Variants in YIPF7 observed in about 807,000 individuals in gnomAD.
YIPF7 encodes protein YIPF7.
A neutral mutation model predicts 27.2 loss-of-function variants in YIPF7; 35 were observed. The ratio of observed to expected loss-of-function variants is 1.29; its 90% CI spans 0.98 to 1.70. YIPF7 has a LOEUF of 1.70. YIPF7 is among the 40% of genes most tolerant of loss of function. The pLI is 0.00. For missense variants in YIPF7, 358 were observed against 303.7 expected (o/e 1.18, Z -1.33); for synonymous variants, 137 against 110.4 (o/e 1.24, Z -1.51).
At chr4:44,633,425 A>T (rs1296378678) in intron 3 of YIPF7, among the ~76,000 whole-genome samples, 1 of 151,732 alleles carries the variant, frequency 6.6e-6, no homozygotes, top group Non-Finnish European at 1.5e-5. Context: ...GCAGGAAAAA[A>T]ATTAGTTAAG....
chr4:44,627,506 T>C (rs1282519625), intron 4 of YIPF7, among the ~76,000 whole-genome samples: 1 of 152,204 alleles, frequency 6.6e-6, no homozygotes, highest in Non-Finnish European at 1.5e-5. Flanking sequence ...ATTTTAATTC[T>C]ACATATCCAG....
At chr4:44,635,845 G>T in intron 3 of YIPF7, 77 bp downstream of exon 3, 1 of 1,486,992 alleles carries the variant, frequency 6.7e-7, no homozygotes, top group South Asian at 1.3e-5. Context: ...ACTGCAGGCT[G>T]ACAGCACACA....
chr4:44,625,040 T>A (rs1047003834), intron 4 of YIPF7, among the ~76,000 whole-genome samples: 3 of 152,182 alleles, frequency 2.0e-5, no homozygotes, highest in African/African-American at 7.2e-5. Context: ...TAGACTTATA[T>A]TTTTTACTCT....
intron 2 of YIPF7, among the ~76,000 whole-genome samples, chr4:44,643,720 A>C (rs1221816372): frequency 6.6e-6 from 1 of 152,058 alleles, no homozygotes; most frequent in Non-Finnish European, 1.5e-5. Context: ...TGGCCACTCC[A>C]GCTCCAGCCT....
chr4:44,653,748 T>C (rs758511543), upstream of YIPF7, among the ~76,000 whole-genome samples: 2 of 152,160 alleles, frequency 1.3e-5, no homozygotes, highest in Non-Finnish European at 2.9e-5. Flanking sequence ...TGTTATATAG[T>C]GGCCAAATTT....
intron 3 of YIPF7, among the ~76,000 whole-genome samples, chr4:44,629,778 A>G (rs1712818931): frequency 6.6e-6 from 1 of 152,224 alleles, no homozygotes; most frequent in Admixed American, 6.5e-5. Context: ...CTTCCAAAGA[A>G]TGACTTAAAA....
At chr4:44,638,074 A>C (rs1051455542) in intron 2 of YIPF7, among the ~76,000 whole-genome samples, 4 of 152,208 alleles carry the variant, frequency 2.6e-5, no homozygotes, top group Non-Finnish European at 4.4e-5. Context: ...ATAAATGGCC[A>C]AGAAACGTGA....
chr4:44,635,743 A>C (rs535806432), intron 3 of YIPF7, among the ~76,000 whole-genome samples, 179 bp downstream of exon 3: 2 of 152,306 alleles, frequency 1.3e-5, no homozygotes, highest in East Asian at 3.9e-4. Context: ...AATTTCCCCT[A>C]TGCAAACATG....
chr4:44,632,882 T>G (rs1577735262), intron 3 of YIPF7, among the ~76,000 whole-genome samples: 1 of 152,134 alleles, frequency 6.6e-6, no homozygotes, highest in Non-Finnish European at 1.5e-5. Context: ...CTAATACAGG[T>G]GTCCCCAATC....
At chr4:44,658,276 A>G (rs750374380) in intron 2 of YIPF7, among the ~76,000 whole-genome samples, 5 of 152,094 alleles carry the variant, frequency 3.3e-5, no homozygotes, top group African/African-American at 1.2e-4. Flanking sequence ...TTTCCTTCCA[A>G]TATGTGAGGA....
Position 44,629,423 on chromosome 4 carries a change from G to A in YIPF7, c.406C>T (p.Leu136=), listed in dbSNP as rs762684011. The change falls in exon 4 of 6, where the codon CTG becomes TTG. Residue 136 remains leucine (L), a synonymous_variant. Transcript: ENST00000415895. ...LTGPILFCVA[L]GATLLLAGKV... is the part of the protein sequence containing the mutation. ...ATTACCAGAAGCAAGGTGGCTCCCA[G>A]GGCTACGCAAAAAAGAATGGGTCCA... 1.3e-6 allele frequency: 2 copies of A among 1,596,150 alleles called. No individual in the cohort carries two copies. The highest frequency in any genetic ancestry group is 1.3e-5 in the African/African-American group (1 of 74,322).
At chr4:44,651,679 AC>A (rs1713744582), upstream of YIPF7, 2 of 1,363,202 alleles carry the variant, frequency 1.5e-6, no homozygotes, top group Admixed American at 2.5e-5. Flanking sequence ...TTGTATTCTG[AC>A]ACCCTGAGCA....
At chr4:44,647,409 T>C (rs1408604112) in intron 2 of YIPF7, among the ~76,000 whole-genome samples, 2 of 152,250 alleles carry the variant, frequency 1.3e-5, no homozygotes, top group South Asian at 2.1e-4. Context: ...CAATCTTATC[T>C]GGAAAAGAGG....
chr4:44,662,019 C>A (rs1301412904), intron 1 of YIPF7, among the ~76,000 whole-genome samples: 1 of 152,208 alleles, frequency 6.6e-6, no homozygotes, highest in Non-Finnish European at 1.5e-5. Flanking sequence ...TATCTTCCTT[C>A]TGATGAACAT....
Position 44,622,181 on chromosome 4 carries a change from C to T in YIPF7, c.*233G>A. ...GGGTTGATCAGTACAGCAACTGTAT[C>T]CCTTTTGATTTTAAGTATTTTGAAA... On this transcript the variant is annotated 3_prime_UTR_variant, in exon 6 of 6. Transcript: ENST00000415895. The T allele has an allele frequency of 1.9e-6, 1 of 524,384 alleles. No individual in the cohort carries two copies. Among genetic ancestry groups the T allele is most frequent in the South Asian group, 2.4e-5 (1 of 41,344 alleles). The allele number at this position is 524,384 out of a possible 1,614,324, so 32.5% of individuals were successfully genotyped here.
At chr4:44,638,523 C>T (rs1411198187) in intron 2 of YIPF7, among the ~76,000 whole-genome samples, 1 of 152,162 alleles carries the variant, frequency 6.6e-6, no homozygotes, top group Non-Finnish European at 1.5e-5. Context: ...CACCTTACTC[C>T]TTGTCCACTT....
At chr4:44,650,852 A>T (rs1577744430) in intron 1 of YIPF7, among the ~76,000 whole-genome samples, 2 of 152,174 alleles carry the variant, frequency 1.3e-5, no homozygotes, top group Admixed American at 1.3e-4. Flanking sequence ...AAAAATAAAG[A>T]ACTGAGAGAA....
At chr4:44,626,263 C>T (rs1712629976) in intron 4 of YIPF7, among the ~76,000 whole-genome samples, 2 of 152,294 alleles carry the variant, frequency 1.3e-5, no homozygotes, top group South Asian at 2.1e-4. Flanking sequence ...TAATGATGGA[C>T]ATGCTAACAG....
At chr4:44,631,558 C>A (rs574172836) in intron 3 of YIPF7, among the ~76,000 whole-genome samples, 268 of 152,218 alleles carry the variant, frequency 1.8e-3, no homozygotes, top group Non-Finnish European at 3.0e-3. Context: ...AAGTTCTACT[C>A]ATTTCATGCC....
Sources: allele counts gnomAD v4.1 joint callset (sites outside exome capture counted in the v4.1 genomes callset), GRCh38; gene constraint gnomAD v4.1.1; transcripts MANE v1.5; gene names NCBI Gene and HGNC (gene_info 2026-07-23, HGNC 2026-07-21).